Variants in SLC4A9 observed in about 807,000 individuals in gnomAD.
SLC4A9 encodes anion exchange protein 4.
Under a neutral mutation model 103.2 loss-of-function variants are expected in SLC4A9, and 102 were observed. The ratio of observed to expected loss-of-function variants is 0.99; its 90% CI spans 0.84 to 1.17. The LOEUF is 1.17. Ranked by LOEUF, SLC4A9 falls within the 50% of genes most tolerant of loss-of-function variation. The probability of loss-of-function intolerance (pLI) is 0.00; values close to 1 mark genes in which losing one functional copy is unlikely to be tolerated. For missense variants in SLC4A9, 1,091 were observed against 1,193.7 expected (o/e 0.91, Z 1.27); for synonymous variants, 453 against 483.6 (o/e 0.94, Z 0.83).
rs1408532188 is a variant in SLC4A9 at position 140,362,478 on chromosome 5, G to A, written c.753G>A (p.Leu251=). ...GCCTTCTCCTGGGCCCCTGTATGCT[G>A]GGAAAGGGCTACCATGAGATGGGAC... is the stretch of plus-strand genomic sequence containing the variant. ...FFCLLLGPCM[L]GKGYHEMGRA... The change falls in exon 6 of 22, where the codon CTG becomes CTA. Residue 251 remains leucine, a synonymous_variant. Transcript: ENST00000506757. 6.2e-7 allele frequency: 1 copy of A among 1,614,056 alleles called. No homozygotes were observed.
In SLC4A9 at chr5:140,368,332, A is replaced by G. The variant is rs1768201702; in HGVS notation, c.2355-255A>G. 2.0e-5 allele frequency among the ~76,000 whole-genome samples: 3 copies of G among 152,264 alleles called. 1 individual carries two copies. The South Asian group carries it at 6.2e-4, about 32-fold the overall frequency. On this transcript the variant is annotated intron_variant, in intron 16 of 21. Transcript: ENST00000506757. The stretch of plus-strand genomic sequence containing the variant: ...GTGTAAACATTGCTAATTTTCCATC[A>G]AAATAAAAATAAGGAGCAACTATGA...
intron 21 of SLC4A9, among the ~76,000 whole-genome samples, 188 bp downstream of exon 21, chr5:140,373,031 C>T (rs1263780531): frequency 6.6e-6 from 1 of 152,190 alleles, no homozygotes; most frequent in Non-Finnish European, 1.5e-5. Flanking sequence ...GGTGCCTGGG[C>T]TTGGCTCCCT....
In SLC4A9 at chr5:140,362,998, TC is replaced by T; in HGVS notation, c.899del (p.Pro300GlnfsTer38). On this transcript the variant is annotated frameshift_variant, in exon 7 of 22. Coordinates refer to ENST00000506757, the MANE Select transcript of SLC4A9 (RefSeq NM_031467.3). LOFTEE classifies it high-confidence loss of function. ...DAFLEEVTVL[P>X]PGRWDPTARI... is the part of the protein sequence containing the mutation. ...CATTCCTAGAGGAGGTGACAGTGCT[TC>T]CCCCAGGTCGGTGGGACCCAACAGC... 1.2e-6 allele frequency: 2 copies of T among 1,612,028 alleles called. No individual in the cohort carries two copies. Among genetic ancestry groups the T allele is most frequent in the African/African-American group, 1.3e-5 (1 of 74,852 alleles).
chr5:140,366,910 T>C (rs896300440), intron 14 of SLC4A9, among the ~76,000 whole-genome samples: 2 of 152,180 alleles, frequency 1.3e-5, no homozygotes, highest in African/African-American at 4.8e-5. Flanking sequence ...TGCCTTTGCA[T>C]TTGGAGACCT....
Position 140,371,444 on chromosome 5 carries a change from C to A in SLC4A9, c.2497-7C>A. The stretch of plus-strand genomic sequence containing the variant: ...GCCCTGCTTTCCTCTTCCTCTTGTT[C>A]CCCTAGTTCACTAATAGGGTGAAGC... On this transcript the variant is annotated splice_polypyrimidine_tract_variant and splice_region_variant and intron_variant, in intron 18 of 21. Coordinates refer to ENST00000506757, the MANE Select transcript of SLC4A9 (RefSeq NM_031467.3). 6.2e-7 allele frequency: 1 copy of A among 1,613,924 alleles called. No individual in the cohort carries two copies. Among genetic ancestry groups the A allele is most frequent in the Non-Finnish European group, 8.5e-7 (1 of 1,179,850 alleles).
intron 12 of SLC4A9, 47 bp downstream of exon 12, chr5:140,365,625 C>G (rs748760321): frequency 6.3e-7 from 1 of 1,583,834 alleles, no homozygotes; most frequent in South Asian, 1.1e-5. Flanking sequence ...GGGTGGAGAC[C>G]AAGGCAGTCG....
chr5:140,367,703 C>T lies in SLC4A9; in HGVS notation c.2176-17C>T. On this transcript the variant is annotated splice_polypyrimidine_tract_variant and intron_variant, in intron 15 of 21. Transcript: ENST00000506757. ...CTGGGCTAGCTTCATCCTCATTGCC[C>T]CCACCACTACCTGCAGAAGGGAGCT... The T allele has an allele frequency of 6.2e-7, 1 of 1,613,500 alleles. No homozygotes were observed. The highest frequency in any genetic ancestry group is 8.5e-7 in the Non-Finnish European group (1 of 1,179,528).
chr5:140,361,851 C>G lies in SLC4A9; in HGVS notation c.549C>G (p.Pro183=), dbSNP rs199656008. 281 of 1,613,860 alleles carry G rather than the reference C, an allele frequency of 1.7e-4. 2 individuals are homozygous for G. The highest frequency in any genetic ancestry group is 2.2e-5 in the Non-Finnish European group (26 of 1,179,896). The change falls in exon 4 of 22, where the codon CCC becomes CCG. Residue 183 remains proline (P), a synonymous_variant. Transcript: ENST00000506757. ...AGGCTTCTGACAATGAGGAAGCCCC[C>G]CTGAGGGAACAGGTTTGTGGCCCTT... ...PRKASDNEEA[P]LREQCQNPLR...
intron 1 of SLC4A9, 59 bp from the exon 2 acceptor site, chr5:140,360,753 C>G (rs1170184873): frequency 6.2e-7 from 1 of 1,609,150 alleles, no homozygotes; most frequent in African/African-American, 1.3e-5. Flanking sequence ...CTCTGCATCT[C>G]TGCTCCTGGA....
intron 14 of SLC4A9, 125 bp from the exon 15 acceptor site, chr5:140,367,295 C>G: frequency 8.6e-7 from 1 of 1,165,782 alleles, no homozygotes; most frequent in Non-Finnish European, 1.2e-6. Context: ...TATGCACACA[C>G]AGCCCACTAG....
rs370980942 is a variant in SLC4A9, at chr5:140,367,897, A to G, written c.2353A>G (p.Arg785Gly). 3.7e-5 allele frequency: 60 copies of G among 1,613,488 alleles called. 1 individual carries two copies. Among genetic ancestry groups the G allele is most frequent in the African/African-American group, 4.0e-5 (3 of 74,928 alleles). Residue 785 changes from arginine (R) to glycine (G), a missense_variant and splice_region_variant, in exon 16 of 22, where the codon AGG (arginine) becomes GGG (glycine). Transcript: ENST00000506757. ...GGAGCGCCCCAACTTCCTGGGTATC[A>G]GGTGAGGGCGGTATTTAGGAAGTGG... ...PGERPNFLGI[R>G]EQRLTGLVVF...
rs542228635 is a variant in SLC4A9 at position 140,365,897 on chromosome 5, C to T, written c.1774C>T (p.Pro592Ser). ...PPECTRQGGH[P>S]RGPGCHTVPD... is the part of the protein sequence containing the mutation. ...TGAGTGCACCCGGCAGGGAGGCCAC[C>T]CTCGTGGCCCTGGCTGTCATACAGT... Residue 592 changes from proline (P) to serine (S), a missense_variant, in exon 13 of 22, where the codon CCT becomes TCT. By Grantham distance (74) the Pro-to-Ser change is moderately conservative. Transcript: ENST00000506757. 6.2e-7 allele frequency: 1 copy of T among 1,613,990 alleles called. No individual in the cohort carries two copies. The highest frequency in any genetic ancestry group is 8.5e-7 in the Non-Finnish European group (1 of 1,179,874).
intron 12 of SLC4A9, 86 bp from the exon 13 acceptor site, chr5:140,365,748 G>A: frequency 6.7e-7 from 1 of 1,488,800 alleles, no homozygotes; most frequent in South Asian, 1.3e-5. Context: ...TGTCTCTGTG[G>A]GTCCCTCCTC....
chr5:140,367,930 GGT>G lies in SLC4A9; in HGVS notation c.2354+34_2354+35del, dbSNP rs1288975472. 4.3e-6 allele frequency: 7 copies of G among 1,611,056 alleles called. No individual in the cohort carries two copies. The Admixed American group carries it at 6.7e-5, about 15-fold the overall frequency. On this transcript the variant is annotated intron_variant, in intron 16 of 21. Coordinates refer to ENST00000506757, the MANE Select transcript of SLC4A9 (RefSeq NM_031467.3). ...GCGGTATTTAGGAAGTGGAGTAAGAGGTGGGCAGCAAGGTAAGGCAAAGGGGA... is the reference window on the plus strand; with the variant it reads ...GCGGTATTTAGGAAGTGGAGTAAGAGGGGCAGCAAGGTAAGGCAAAGGGGA...
At position 140,365,530 on chromosome 5, in the gene SLC4A9, T is replaced by A; in HGVS notation, c.1662T>A (p.Ser554=). 6.2e-7 allele frequency: 1 copy of A among 1,610,964 alleles called. No individual in the cohort carries two copies. The highest frequency in any genetic ancestry group is 8.5e-7 in the Non-Finnish European group (1 of 1,178,582). Residue 554 remains serine (S), a synonymous_variant, in exon 12 of 22, where the codon TCT becomes TCA. Transcript: ENST00000506757. ...CQYPGPGGNE[S]QWIRTRPKDR... ...TTCTCTGCTTCCCAGGAAATGAGTCTCAATGGATAAGGACAAGGCCAAAAG... is the reference window on the plus strand; with the variant it reads ...TTCTCTGCTTCCCAGGAAATGAGTCACAATGGATAAGGACAAGGCCAAAAG...
At chr5:140,366,939 A>C (rs1486027043) in intron 14 of SLC4A9, among the ~76,000 whole-genome samples, 1 of 152,180 alleles carries the variant, frequency 6.6e-6, no homozygotes, top group Non-Finnish European at 1.5e-5. Context: ...AATTCCCCCA[A>C]GACAGGAGAG....
chr5:140,367,163 C>A (rs140213717), intron 14 of SLC4A9, among the ~76,000 whole-genome samples: 4 of 152,320 alleles, frequency 2.6e-5, no homozygotes, highest in African/African-American at 9.6e-5. Flanking sequence ...GTGCCACCTC[C>A]TTCTGTTCCA....
At position 140,362,529 on chromosome 5, in the gene SLC4A9, C is replaced by T. The variant is rs1422680733; in HGVS notation, c.804C>T (p.Asp268=). The T allele has an allele frequency of 1.9e-6, 3 of 1,613,806 alleles. No individual in the cohort carries two copies. The highest frequency in any genetic ancestry group is 1.7e-4 in the Middle Eastern group (1 of 6,058). The change falls in exon 6 of 22, where the codon GAC becomes GAT. Residue 268 remains aspartate (D), a synonymous_variant. Coordinates refer to ENST00000506757, the MANE Select transcript of SLC4A9 (RefSeq NM_031467.3). ...MGRAAAVLLS[D]PQFQWSVRRA... is the part of the protein sequence containing the mutation. Reference sequence around the variant, plus strand: ...GGGCAGCAGCTGTCCTCCTCAGTGACCCGGTGAGCTGAGCAGGTGTGTGTG... The same window carrying T: ...GGGCAGCAGCTGTCCTCCTCAGTGATCCGGTGAGCTGAGCAGGTGTGTGTG...
Position 140,365,964 on chromosome 5 carries a change from CT to C in SLC4A9, c.1844del (p.Phe615SerfsTer10). On this transcript the variant is annotated frameshift_variant, in exon 13 of 22. Coordinates refer to ENST00000506757, the MANE Select transcript of SLC4A9 (RefSeq NM_031467.3). LOFTEE classifies it high-confidence loss of function. The part of the protein sequence containing the change: ...AFFSLLLFLT[S>X]FFFAMALKCV... ...TTCTCCCTTCTCCTCTTCCTTACTT[CT>C]TTCTTCTTTGCTATGGCCCTCAAGT... 6.2e-7 allele frequency: 1 copy of C among 1,614,064 alleles called. No individual in the cohort carries two copies. Among genetic ancestry groups the C allele is most frequent in the Non-Finnish European group, 8.5e-7 (1 of 1,179,906 alleles).
Sources: gnomAD v4.1 joint callset for allele counts (sites outside exome capture counted in the v4.1 genomes callset) on GRCh38, gnomAD v4.1.1 for gene constraint, MANE v1.5 for transcripts, NCBI Gene and HGNC (gene_info 2026-07-23, HGNC 2026-07-21) for gene names.